The following AK4 variants were observed in gnomAD, a reference collection of about 807,000 sequenced individuals.
AK4 encodes the protein adenylate kinase 4, mitochondrial.
AK4 carries 13 observed loss-of-function variants against 24.6 expected under a neutral mutation model. The observed-to-expected ratio is 0.53, with a 90% CI of 0.34 to 0.84. The LOEUF (loss-of-function observed/expected upper bound fraction) is 0.84. AK4 is among the 40% of genes least tolerant of loss of function. AK4 has a pLI of 0.01. For synonymous variants in AK4, 88 were observed against 107.0 expected, an observed-to-expected ratio of 0.82 and a Z score of 1.10; for missense variants, 192 against 288.2, an observed-to-expected ratio of 0.67 and a Z score of 2.42.
chr1:65,228,592 T>A lies in AK4; in HGVS notation c.*2415T>A, dbSNP rs1652539909. ...ATGCTTATTTCGTGGTCAATGGCTT[T>A]AAAAAAATCTGTTTCTTGTTTTCTT... On this transcript the variant is annotated 3_prime_UTR_variant, in exon 5 of 5. Coordinates refer to ENST00000327299, the MANE Select transcript of AK4 (RefSeq NM_013410.4). 1.3e-5 allele frequency: 2 copies of A among 152,284 alleles called. No homozygotes were observed. The highest frequency in any genetic ancestry group is 6.5e-5 in the Admixed American group (1 of 15,292). The allele number at this position is 152,284 out of a possible 1,614,324, so 9.4% of individuals were successfully genotyped here.
intron 3 of AK4, among the ~76,000 whole-genome samples, chr1:65,223,197 T>C (rs958104988): frequency 6.6e-6 from 1 of 152,060 alleles, no homozygotes; most frequent in South Asian, 2.1e-4. Flanking sequence ...TTTATTATTT[T>C]TATTTAAATT....
intron 3 of AK4, among the ~76,000 whole-genome samples, chr1:65,222,242 G>T (rs901644048): frequency 6.6e-6 from 1 of 152,184 alleles, no homozygotes; most frequent in Admixed American, 6.5e-5. Flanking sequence ...AGTACACGTG[G>T]CTGACAAAGA....
chr1:65,168,169 CAG>C (rs1184499639), intron 1 of AK4, among the ~76,000 whole-genome samples: 2 of 116,592 alleles, frequency 1.7e-5, no homozygotes, highest in African/African-American at 3.7e-5. Context: ...TTTTTTGAGA[CAG>C]AGTTTTGCTC....
chr1:65,217,591 T>G (rs748923929), intron 2 of AK4, among the ~76,000 whole-genome samples: 2 of 152,196 alleles, frequency 1.3e-5, no homozygotes, highest in Non-Finnish European at 1.5e-5. Context: ...AGGAAAAAGT[T>G]ACCACTGTGT....
chr1:65,219,184 T>C (rs1295231126), intron 3 of AK4, among the ~76,000 whole-genome samples: 1 of 151,326 alleles, frequency 6.6e-6, no homozygotes, highest in African/African-American at 2.4e-5. Context: ...CTGATAAATA[T>C]ATGTATACAA....
At chr1:65,158,706 C>T in intron 1 of AK4, among the ~76,000 whole-genome samples, 1 of 152,062 alleles carries the variant, frequency 6.6e-6, no homozygotes. Flanking sequence ...GGGGTTTCAC[C>T]ATGTTCGCCA....
chr1:65,159,152 G>A (rs143612442), intron 1 of AK4, among the ~76,000 whole-genome samples: 1 of 152,284 alleles, frequency 6.6e-6, no homozygotes, highest in East Asian at 1.9e-4. Context: ...CTGATCTTCA[G>A]CACCTTCTGT....
chr1:65,163,572 A>G lies in AK4; in HGVS notation c.145+15020A>G, dbSNP rs541494099. On this transcript the variant is annotated intron_variant, in intron 1 of 4. Transcript: ENST00000327299. The stretch of plus-strand genomic sequence containing the variant: ...GCTATTGTTATAGTCACATACTCCT[A>G]AATTAGGTTTTTAGTCTTATCTACC... Among the ~76,000 whole-genome samples the G allele has an allele frequency of 6.6e-5, 10 of 152,282 alleles. No homozygotes were observed. In the South Asian group the frequency reaches 1.2e-3, roughly 19 times the overall value.
chr1:65,191,675 C>G (rs1651313470), intron 2 of AK4, among the ~76,000 whole-genome samples: 1 of 151,652 alleles, frequency 6.6e-6, no homozygotes, highest in African/African-American at 2.4e-5. Context: ...TTGATTTTGC[C>G]ATAAAGATGG....
intron 1 of AK4, among the ~76,000 whole-genome samples, chr1:65,159,671 C>CA (rs1427736917): frequency 3.3e-5 from 5 of 149,268 alleles, no homozygotes; most frequent in African/African-American, 1.2e-4. Flanking sequence ...AAAACCTTCT[C>CA]AAAAAGAAAA....
intron 1 of AK4, among the ~76,000 whole-genome samples, chr1:65,169,012 C>G (rs1033207679): frequency 7.9e-5 from 12 of 151,702 alleles, no homozygotes; most frequent in Non-Finnish European, 1.3e-4. Flanking sequence ...CATGTGTCTA[C>G]AAAAATAAAA....
intron 2 of AK4, among the ~76,000 whole-genome samples, chr1:65,194,175 T>C (rs1651398830): frequency 6.6e-6 from 1 of 152,254 alleles, no homozygotes; most frequent in African/African-American, 2.4e-5. Flanking sequence ...TTTGATTGTC[T>C]CTTTGCTCTC....
At chr1:65,210,639 C>T (rs1038726591) in intron 2 of AK4, among the ~76,000 whole-genome samples, 3 of 152,094 alleles carry the variant, frequency 2.0e-5, no homozygotes, top group African/African-American at 7.2e-5. Flanking sequence ...TATTATTATT[C>T]TGTCTCCTAG....
chr1:65,219,024 A>G, intron 3 of AK4, 98 bp downstream of exon 3: 6 of 890,222 alleles, frequency 6.7e-6, no homozygotes, highest in South Asian at 3.7e-5. Flanking sequence ...CATTCAAAAA[A>G]GAACAAATCT....
At chr1:65,152,984 C>T (rs1258830035) in intron 1 of AK4, among the ~76,000 whole-genome samples, 2 of 152,104 alleles carry the variant, frequency 1.3e-5, no homozygotes, top group African/African-American at 4.8e-5. Flanking sequence ...CATACAGAGT[C>T]TTGGCTTATT....
chr1:65,220,702 C>G (rs1652270054), intron 3 of AK4, among the ~76,000 whole-genome samples: 1 of 152,212 alleles, frequency 6.6e-6, no homozygotes, highest in South Asian at 2.1e-4. Context: ...TCTCGAACCC[C>G]TGATCTCAAG....
At chr1:65,202,334 T>C (rs1651686710) in intron 2 of AK4, among the ~76,000 whole-genome samples, 1 of 152,122 alleles carries the variant, frequency 6.6e-6, no homozygotes, top group Non-Finnish European at 1.5e-5. Flanking sequence ...GAGGCAGAGC[T>C]TGCAGTGAGC....
At chr1:65,215,963 G>A (rs1652117543) in intron 2 of AK4, among the ~76,000 whole-genome samples, 1 of 152,196 alleles carries the variant, frequency 6.6e-6, no homozygotes, top group African/African-American at 2.4e-5. Flanking sequence ...GTCACAGTTA[G>A]TGATGCTAGA....
At chr1:65,201,197 C>T (rs1460201211) in intron 2 of AK4, among the ~76,000 whole-genome samples, 1 of 152,220 alleles carries the variant, frequency 6.6e-6, no homozygotes, top group Non-Finnish European at 1.5e-5. Flanking sequence ...ACTTTTCCTA[C>T]GTTCTGCACC....
Sources: gnomAD v4.1 joint callset for allele counts (sites outside exome capture counted in the v4.1 genomes callset) on GRCh38, gnomAD v4.1.1 for gene constraint, MANE v1.5 for transcripts, NCBI Gene and HGNC (gene_info 2026-07-23, HGNC 2026-07-21) for gene names.